Variants in SYN2 observed in about 807,000 individuals in gnomAD.
SYN2 encodes the protein synapsin-2.
Under a neutral mutation model 50.9 loss-of-function variants are expected in SYN2, and 19 were observed. The ratio of observed to expected loss-of-function variants is 0.37; its 90% CI spans 0.26 to 0.55. The LOEUF is 0.55. Among genes scored for constraint, SYN2 ranks in the 20% least tolerant of loss-of-function variants. The pLI is 0.81. For missense variants in SYN2, 587 were observed against 576.4 expected (o/e 1.02, Z -0.19); for synonymous variants, 255 against 224.9 (o/e 1.13, Z -1.20).
chr3:12,187,220 C>T (rs777179334), intron 11 of SYN2, 149 bp from the exon 12 acceptor site: 2 of 1,139,868 alleles, frequency 1.8e-6, no homozygotes, highest in Non-Finnish European at 2.4e-6. Flanking sequence ...AACCAAGGAC[C>T]CCCTTTAGGG....
intron 10 of SYN2, among the ~76,000 whole-genome samples, chr3:12,181,066 G>T (rs1447448937): frequency 1.3e-5 from 2 of 152,160 alleles, no homozygotes; most frequent in East Asian, 1.9e-4. Context: ...GAACACATAC[G>T]TCTACCTCCC....
intron 1 of SYN2, among the ~76,000 whole-genome samples, chr3:12,024,195 C>T (rs1293506669): frequency 5.9e-5 from 8 of 134,546 alleles, no homozygotes; most frequent in Middle Eastern, 4.8e-3. Flanking sequence ...CTCACTCTGT[C>T]GCCCAGGCTG....
At chr3:12,076,155 A>G (rs1695462401) in intron 1 of SYN2, among the ~76,000 whole-genome samples, 1 of 152,094 alleles carries the variant, frequency 6.6e-6, no homozygotes. Context: ...TTTTCTTCTT[A>G]TGCCATGCTG....
At chr3:12,019,088 C>T (rs1372866534) in intron 1 of SYN2, among the ~76,000 whole-genome samples, 2 of 152,184 alleles carry the variant, frequency 1.3e-5, no homozygotes, top group African/African-American at 4.8e-5. Flanking sequence ...ACCTGGGACT[C>T]ATTCCAGATG....
chr3:12,164,984 C>CTTTTTTTT (rs68043865), intron 7 of SYN2, among the ~76,000 whole-genome samples: 2 of 92,344 alleles, frequency 2.2e-5, no homozygotes, highest in African/African-American at 3.8e-5. Flanking sequence ...TTTTTCTTTT[C>CTTTTTTTT]TTTTTTTTTT....
At chr3:12,018,637 A>G (rs1212587808) in intron 1 of SYN2, among the ~76,000 whole-genome samples, 2 of 152,190 alleles carry the variant, frequency 1.3e-5, no homozygotes, top group African/African-American at 2.4e-5. Flanking sequence ...AAGAGTAGTG[A>G]TGGGAGGATT....
chr3:12,163,241 C>CAAAAAAAA (rs11404808), intron 7 of SYN2, among the ~76,000 whole-genome samples: 1 of 122,596 alleles, frequency 8.2e-6, no homozygotes, highest in African/African-American at 3.3e-5. Context: ...GACTCTGTCT[C>CAAAAAAAA]AAAAAAAAAA....
At position 12,183,366 on chromosome 3, in the gene SYN2, C is replaced by G; in HGVS notation, c.1363C>G (p.Pro455Ala). 6.2e-7 allele frequency: 1 copy of G among 1,613,892 alleles called. No individual in the cohort carries two copies. The highest frequency in any genetic ancestry group is 8.5e-7 in the Non-Finnish European group (1 of 1,179,868). The change falls in exon 11 of 13, where the codon CCT becomes GCT. Residue 455 changes from proline to alanine, a missense_variant. Coordinates refer to ENST00000621198, the MANE Select transcript of SYN2 (RefSeq NM_133625.6). The part of the protein sequence containing the change: ...SSKTPPQRPP[P>A]QGGPGQPQGM... ...CAAGACCCCACCTCAGCGGCCACCC[C>G]CTCAAGGTTGTTTACAGTATATTCT...
intron 1 of SYN2, among the ~76,000 whole-genome samples, chr3:12,138,275 AAC>A (rs753658943): frequency 2.6e-5 from 4 of 152,230 alleles, no homozygotes; most frequent in Non-Finnish European, 4.4e-5. Context: ...TGGGCCAGGA[AAC>A]ACACACTAAG....
chr3:12,187,474 C>T lies in SYN2; in HGVS notation c.1475C>T (p.Ser492Phe). ...SLPPSSSSSS[S>F]SSSSAPQRPG... The stretch of plus-strand genomic sequence containing the variant: ...CCACCTTCCTCCTCTTCCTCCTCTT[C>T]TTCCTCCTCCTCGGCTCCTCAGCGG... Residue 492 changes from serine (S) to phenylalanine (F), a missense_variant, in exon 12 of 13, where the codon TCT (serine) becomes TTT (phenylalanine). Coordinates refer to ENST00000621198, the MANE Select transcript of SYN2 (RefSeq NM_133625.6). 6.4e-7 allele frequency: 1 copy of T among 1,553,232 alleles called. No homozygotes were observed.
At chr3:12,012,350 A>C (rs1459837659) in intron 1 of SYN2, among the ~76,000 whole-genome samples, 2 of 152,226 alleles carry the variant, frequency 1.3e-5, no homozygotes, top group African/African-American at 4.8e-5. Flanking sequence ...AATACACAGA[A>C]GGCCTTTAAA....
chr3:12,138,710 C>A (rs190579195), intron 1 of SYN2, among the ~76,000 whole-genome samples: 2 of 152,118 alleles, frequency 1.3e-5, no homozygotes, highest in Non-Finnish European at 2.9e-5. Flanking sequence ...ATACGAAATG[C>A]GAGGTTATTG....
At chr3:12,070,387 G>T in intron 1 of SYN2, 1 of 527,576 alleles carries the variant, frequency 1.9e-6, no homozygotes, top group Admixed American at 2.0e-5. Context: ...CTCCTACGTG[G>T]GTGATGAGGC....
At chr3:12,019,951 G>A (rs1248366802) in intron 1 of SYN2, among the ~76,000 whole-genome samples, 1 of 152,194 alleles carries the variant, frequency 6.6e-6, no homozygotes, top group Non-Finnish European at 1.5e-5. Flanking sequence ...AATTGATGAT[G>A]CTTTTGCTTA....
chr3:12,159,906 G>A (rs1047836688), intron 5 of SYN2, among the ~76,000 whole-genome samples: 26 of 152,102 alleles, frequency 1.7e-4, no homozygotes, highest in African/African-American at 6.3e-4. Flanking sequence ...AGCCGGGCGT[G>A]GTGGCCTACA....
intron 1 of SYN2, among the ~76,000 whole-genome samples, chr3:12,022,557 G>A (rs1037091945): frequency 1.3e-4 from 20 of 152,032 alleles, no homozygotes; most frequent in African/African-American, 3.4e-4. Context: ...ACAGGTGCAC[G>A]CCACCATGCC....
At chr3:12,174,246 C>CTTGA (rs1418668755) in intron 10 of SYN2, among the ~76,000 whole-genome samples, 2 of 2,642 alleles carry the variant, frequency 7.6e-4, no homozygotes, top group Non-Finnish European at 1.3e-3. Context: ...CTAACTCTTG[C>CTTGA]TTGACATCCT....
chr3:12,061,976 A>G (rs950476264), intron 1 of SYN2, among the ~76,000 whole-genome samples: 2 of 152,074 alleles, frequency 1.3e-5, no homozygotes, highest in Non-Finnish European at 2.9e-5. Context: ...GTGGAATCCC[A>G]ATCAAAATCC....
intron 10 of SYN2, among the ~76,000 whole-genome samples, chr3:12,170,834 G>A (rs939609760): frequency 2.0e-4 from 30 of 152,208 alleles, no homozygotes; most frequent in African/African-American, 7.2e-4. Context: ...ATAGAATAGT[G>A]ATTCAGAGTG....
Sources: gnomAD v4.1 joint callset for allele counts (sites outside exome capture counted in the v4.1 genomes callset) on GRCh38, gnomAD v4.1.1 for gene constraint, MANE v1.5 for transcripts, NCBI Gene and HGNC (gene_info 2026-07-23, HGNC 2026-07-21) for gene names.